PCDHA3: variants seen among roughly 807,000 people sequenced by gnomAD.
PCDHA3 encodes the protein protocadherin alpha 3.
In PCDHA3, 41 loss-of-function variants were observed where a neutral mutation model predicts 62.2. The ratio of observed to expected loss-of-function variants is 0.66; its 90% CI spans 0.51 to 0.86. PCDHA3 has a LOEUF of 0.86. PCDHA3 is among the 40% of genes least tolerant of loss of function. The pLI is 0.00. For missense variants in PCDHA3, 1,304 were observed against 1,241.2 expected (o/e 1.05, Z -0.76); for synonymous variants, 640 against 555.4 (o/e 1.15, Z -2.14).
At chr5:140,895,250 T>G (rs2153449407) in intron 1 of PCDHA3, among the ~76,000 whole-genome samples, 1 of 152,318 alleles carries the variant, frequency 6.6e-6, no homozygotes, top group African/African-American at 2.4e-5. Flanking sequence ...TTTTCAAAGC[T>G]TTCTTTTTTT....
At chr5:140,848,673 G>A (rs2150416689) in intron 1 of PCDHA3, 2 of 1,592,332 alleles carry the variant, frequency 1.3e-6, no homozygotes, top group Non-Finnish European at 1.7e-6. Context: ...GGCGGAGCTG[G>A]TGCCGCGCCT....
intron 1 of PCDHA3, among the ~76,000 whole-genome samples, chr5:140,922,677 G>C (rs545719033): frequency 6.6e-6 from 1 of 152,306 alleles, no homozygotes; most frequent in Admixed American, 6.5e-5. Flanking sequence ...CAGTAAAAAA[G>C]TGAACAGGCT....
chr5:140,928,168 A>T, intron 1 of PCDHA3: 3 of 1,614,174 alleles, frequency 1.9e-6, no homozygotes, highest in Non-Finnish European at 2.5e-6. Flanking sequence ...ACCCCCACTT[A>T]GCACCCGAAG....
chr5:140,869,650 C>A, intron 1 of PCDHA3: 1 of 1,613,504 alleles, frequency 6.2e-7, no homozygotes, highest in African/African-American at 1.3e-5. Flanking sequence ...TTTAGATTCA[C>A]CAACAAATGG....
intron 1 of PCDHA3, among the ~76,000 whole-genome samples, chr5:140,839,382 TGA>T (rs1562376295): frequency 0.03 from 2 of 66 alleles, no homozygotes; most frequent in South Asian, 0.071. Flanking sequence ...TCAATTATTA[TGA>T]TGATGATGAT....
chr5:140,851,102 G>A, intron 1 of PCDHA3: 1 of 1,288,626 alleles, frequency 7.8e-7, no homozygotes, highest in Non-Finnish European at 1.0e-6. Flanking sequence ...ATATTTTTTG[G>A]GTGCTGAATC....
At chr5:140,966,654 T>C in intron 1 of PCDHA3, 1 of 1,185,100 alleles carries the variant, frequency 8.4e-7, no homozygotes, top group Non-Finnish European at 1.1e-6. Flanking sequence ...GCGTGAGCGG[T>C]GGGGGAGCAG....
intron 3 of PCDHA3, among the ~76,000 whole-genome samples, chr5:140,994,883 A>T (rs1197020328): frequency 6.6e-6 from 1 of 152,222 alleles, no homozygotes; most frequent in Non-Finnish European, 1.5e-5. Flanking sequence ...AAGAGATGTT[A>T]GGAAATGAGA....
Position 140,884,013 on chromosome 5 carries a change from C to T in PCDHA3, c.2394+80422C>T, listed in dbSNP as rs148971741. The T allele has an allele frequency of 5.1e-5, 82 of 1,613,132 alleles. No homozygotes were observed. The African/African-American group carries it at 9.2e-4, about 18-fold the overall frequency. On this transcript the variant is annotated intron_variant, in intron 1 of 3. Transcript: ENST00000522353. ...GGAGGCACAGTGAGCGAGCTGATGC[C>T]GCGGTCGGTGGGTGCAGGCCACGTG...
At chr5:140,980,948 G>C (rs72802987) in intron 2 of PCDHA3, among the ~76,000 whole-genome samples, 1 of 152,206 alleles carries the variant, frequency 6.6e-6, no homozygotes, top group Non-Finnish European at 1.5e-5. Flanking sequence ...CTGGCTCCAG[G>C]ATAGTTACAC....
chr5:140,973,755 G>A (rs1442337323), intron 1 of PCDHA3, among the ~76,000 whole-genome samples: 1 of 152,234 alleles, frequency 6.6e-6, no homozygotes, highest in Admixed American at 6.5e-5. Flanking sequence ...ACTCTGCAGG[G>A]ACACAGCCTG....
chr5:140,832,634 AG>A (rs1772087918), intron 1 of PCDHA3, among the ~76,000 whole-genome samples: 1 of 152,156 alleles, frequency 6.6e-6, no homozygotes, highest in Non-Finnish European at 1.5e-5. Context: ...AAAAGTTCCT[AG>A]GAGGGTCTTT....
At position 140,856,397 on chromosome 5, in the gene PCDHA3, C is replaced by T. The variant is rs782776522; in HGVS notation, c.2394+52806C>T. On this transcript the variant is annotated intron_variant, in intron 1 of 3. Coordinates refer to ENST00000522353, the MANE Select transcript of PCDHA3 (RefSeq NM_018906.3). ...CGTGGACAGGCCGCTGCAGGTTTTC[C>T]ATGTGGACGTGGAAGTGAAGGACAT... 3.6e-5 allele frequency: 58 copies of T among 1,598,382 alleles called. 7 individuals carry two copies. In the Admixed American group the frequency reaches 4.9e-4, roughly 13 times the overall value.
At chr5:140,836,386 C>A in intron 1 of PCDHA3, 1 of 1,613,722 alleles carries the variant, frequency 6.2e-7, no homozygotes, top group Non-Finnish European at 8.5e-7. Context: ...GTGCTGGTGT[C>A]GCTGGTGGAA....
chr5:140,872,909 G>A (rs1214412416), intron 1 of PCDHA3, among the ~76,000 whole-genome samples: 7 of 152,076 alleles, frequency 4.6e-5, no homozygotes, highest in African/African-American at 1.7e-4. Flanking sequence ...GCTCTATCTT[G>A]TAATGCCTTA....
chr5:140,892,596 T>C (rs143701120), intron 1 of PCDHA3, among the ~76,000 whole-genome samples: 79 of 152,254 alleles, frequency 5.2e-4, no homozygotes, highest in African/African-American at 1.4e-3. Flanking sequence ...CATTCACCTA[T>C]TTTTTTCCTT....
intron 1 of PCDHA3, chr5:140,841,846 T>G (rs2150323998): frequency 6.2e-7 from 1 of 1,613,898 alleles, no homozygotes. Flanking sequence ...TTAGCTCTCA[T>G]GATTACTTCA....
intron 1 of PCDHA3, among the ~76,000 whole-genome samples, chr5:140,917,805 T>C (rs2153545461): frequency 6.6e-6 from 1 of 152,328 alleles, no homozygotes; most frequent in African/African-American, 2.4e-5. Flanking sequence ...AGCCTTGCAG[T>C]ATAGTTGAAG....
Position 140,803,287 on chromosome 5 carries a change from A to G in PCDHA3, c.2090A>G (p.Asn697Ser). ...TGPEAALVDV[N>S]VYLIVAICAV... ...CCGGAAGCTGCACTGGTGGATGTCA[A>G]CGTGTACTTGATCGTCGCCATCTGC... Residue 697 changes from asparagine to serine, a missense_variant, in exon 1 of 4, where the codon AAC becomes AGC. By Grantham distance (46) the Asn-to-Ser change is conservative (BLOSUM62 1). Coordinates refer to ENST00000522353, the MANE Select transcript of PCDHA3 (RefSeq NM_018906.3). The G allele has an allele frequency of 3.7e-6, 6 of 1,614,074 alleles. No individual in the cohort carries two copies. In the South Asian group the frequency reaches 6.6e-5, roughly 18 times the overall value.
Sources: gnomAD v4.1 joint callset for allele counts (sites outside exome capture counted in the v4.1 genomes callset) on GRCh38, gnomAD v4.1.1 for gene constraint, MANE v1.5 for transcripts, NCBI Gene and HGNC (gene_info 2026-07-23, HGNC 2026-07-21) for gene names.